OAT: variants seen among roughly 807,000 people sequenced by gnomAD.
OAT encodes ornithine aminotransferase.
In OAT, 35 loss-of-function variants were observed where a neutral mutation model predicts 48.4. That is an observed-to-expected ratio of 0.72 (90% CI 0.55 to 0.96). The LOEUF is 0.96. Ranked by LOEUF, OAT falls within the 40% of genes least tolerant of loss-of-function variation. OAT has a pLI of 0.00. For synonymous variants in OAT, 182 were observed against 198.4 expected, an observed-to-expected ratio of 0.92 and a Z score of 0.70; for missense variants, 438 against 537.9, an observed-to-expected ratio of 0.81 and a Z score of 1.84.
At position 124,400,537 on chromosome 10, in the gene OAT, G is replaced by A. The variant is rs940895755; in HGVS notation, c.1159+303C>T. 3.0e-4 allele frequency among the ~76,000 whole-genome samples: 46 copies of A among 151,250 alleles called. 1 individual carries two copies. Among genetic ancestry groups the A allele is most frequent in the Non-Finnish European group, 2.9e-5 (2 of 67,978 alleles). ...TGGGAGGCCAACGCAGGTGGATCAC[G>A]AGGTCAGGAGTTTGAGATCAGCCTG... is the stretch of plus-strand genomic sequence containing the variant. On this transcript the variant is annotated intron_variant, in intron 9 of 9. Coordinates refer to ENST00000368845, the MANE Select transcript of OAT (RefSeq NM_000274.4).
At chr10:124,400,742 T>G in intron 9 of OAT, 98 bp downstream of exon 9, 1 of 1,004,334 alleles carries the variant, frequency 1.0e-6, no homozygotes, top group Non-Finnish European at 1.5e-6. Flanking sequence ...AGAGCAAGAC[T>G]CCGTCTCGAA....
At chr10:124,416,012 C>T (rs992765791) in intron 1 of OAT, among the ~76,000 whole-genome samples, 5 of 152,138 alleles carry the variant, frequency 3.3e-5, no homozygotes, top group African/African-American at 1.2e-4. Flanking sequence ...CAATTTTACA[C>T]TTGCATGATA....
chr10:124,406,813 A>AC (rs1220096524), intron 4 of OAT: 2 of 318,550 alleles, frequency 6.3e-6, no homozygotes, highest in Non-Finnish European at 9.1e-6. Flanking sequence ...AAAAAAAAAA[A>AC]AAAAAAAAGT....
At chr10:124,406,206 A>G (rs1951571445) in intron 4 of OAT, 1 of 820,638 alleles carries the variant, frequency 1.2e-6, no homozygotes, top group South Asian at 5.6e-5. Flanking sequence ...ATGTTGGGGA[A>G]TAGACCAGGC....
At chr10:124,411,257 G>A (rs909471927) in intron 2 of OAT, among the ~76,000 whole-genome samples, 1 of 151,116 alleles carries the variant, frequency 6.6e-6, no homozygotes, top group Non-Finnish European at 1.5e-5. Flanking sequence ...AGAAGGGAGT[G>A]AACACACTAA....
chr10:124,417,746 C>T (rs548427819), intron 1 of OAT, among the ~76,000 whole-genome samples: 3 of 152,334 alleles, frequency 2.0e-5, no homozygotes, highest in Admixed American at 1.3e-4. Context: ...AAAGAACTAG[C>T]TTATCCACAG....
intron 9 of OAT, among the ~76,000 whole-genome samples, chr10:124,400,366 T>C (rs745658414): frequency 2.0e-5 from 3 of 148,804 alleles, no homozygotes; most frequent in Non-Finnish European, 3.0e-5. Flanking sequence ...GAGAATCGCT[T>C]GAACCGGGGC....
At chr10:124,399,586 C>T (rs1430584274) in intron 9 of OAT, among the ~76,000 whole-genome samples, 1 of 151,940 alleles carries the variant, frequency 6.6e-6, no homozygotes, top group Admixed American at 6.6e-5. Context: ...ACCTCGTGAT[C>T]CACCCGTCTC....
intron 2 of OAT, among the ~76,000 whole-genome samples, chr10:124,410,779 C>T (rs545178150): frequency 2.0e-5 from 3 of 152,062 alleles, no homozygotes; most frequent in Non-Finnish European, 4.4e-5. Flanking sequence ...GCCTGGGCAA[C>T]AGAATGAGAC....
At chr10:124,416,624 T>C (rs868277410) in intron 1 of OAT, among the ~76,000 whole-genome samples, 2 of 152,238 alleles carry the variant, frequency 1.3e-5, no homozygotes, top group Non-Finnish European at 2.9e-5. Flanking sequence ...CTACCATTAC[T>C]CCCTCCATCT....
In OAT at chr10:124,403,857, C is replaced by A. The variant is rs200325281; in HGVS notation, c.712G>T (p.Val238Phe). The part of the protein sequence containing the change: ...MVEPIQGEAG[V>F]VVPDPGYLMG... ...AGGTAACCTGGATCCGGAACAACAA[C>A]GCCTGCTTCACCCTGAATTGGTTCT... is the stretch of plus-strand genomic sequence containing the variant. The change falls in exon 6 of 10, where the codon GTT becomes TTT. Residue 238 changes from valine (V) to phenylalanine (F), a missense_variant. Coordinates refer to ENST00000368845, the MANE Select transcript of OAT (RefSeq NM_000274.4). 1 of 1,614,156 alleles carries A rather than the reference C, an allele frequency of 6.2e-7. No homozygotes were observed. Among genetic ancestry groups the A allele is most frequent in the Non-Finnish European group, 8.5e-7 (1 of 1,180,002 alleles).
intron 2 of OAT, 90 bp downstream of exon 2, chr10:124,411,883 A>AGAAAAAT: frequency 2.6e-6 from 3 of 1,136,620 alleles, no homozygotes; most frequent in Non-Finnish European, 4.0e-6. Context: ...AAACACATCT[A>AGAAAAAT]GAAAAATGTA....
intron 4 of OAT, among the ~76,000 whole-genome samples, chr10:124,407,856 T>C (rs1951627485): frequency 6.6e-6 from 1 of 152,162 alleles, no homozygotes; most frequent in Non-Finnish European, 1.5e-5. Flanking sequence ...ATTCCTTTCA[T>C]CCAGTCCCAG....
At chr10:124,411,815 CAAAA>C (rs60176788) in intron 2 of OAT, among the ~76,000 whole-genome samples, 154 bp downstream of exon 2, 33 of 107,522 alleles carry the variant, frequency 3.1e-4, no homozygotes, top group Admixed American at 2.9e-4. Flanking sequence ...GACTCCGTCT[CAAAA>C]AAAAAAAAAA....
At chr10:124,401,057 TA>T in intron 8 of OAT, 73 bp from the exon 9 acceptor site, 1 of 1,046,884 alleles carries the variant, frequency 9.6e-7, no homozygotes, top group East Asian at 2.6e-5. Flanking sequence ...ACGGGGACTG[TA>T]AACACAGGAA....
intron 4 of OAT, chr10:124,406,174 A>G (rs1158168665): frequency 1.1e-6 from 1 of 919,008 alleles, no homozygotes; most frequent in African/African-American, 1.8e-5. Flanking sequence ...CTGAGGATCT[A>G]CTATGTCAGG....
chr10:124,403,698 T>A, intron 6 of OAT, 100 bp downstream of exon 6: 1 of 1,494,986 alleles, frequency 6.7e-7, no homozygotes, highest in Non-Finnish European at 9.3e-7. Context: ...ATTTATCCAA[T>A]CAGCAGAATT....
intron 4 of OAT, chr10:124,405,869 C>G (rs1951561244): frequency 8.3e-7 from 1 of 1,201,680 alleles, no homozygotes; most frequent in South Asian, 1.6e-5. Flanking sequence ...AATCCCCAAC[C>G]CAAAACCAAG....
chr10:124,409,909 C>A (rs982825967), intron 2 of OAT, among the ~76,000 whole-genome samples: 14 of 152,084 alleles, frequency 9.2e-5, no homozygotes, highest in Admixed American at 1.3e-4. Flanking sequence ...ATTAAAAAAA[C>A]AACTTTTGAC....
Sources: gnomAD v4.1 joint callset for allele counts (sites outside exome capture counted in the v4.1 genomes callset) on GRCh38, gnomAD v4.1.1 for gene constraint, MANE v1.5 for transcripts, NCBI Gene and HGNC (gene_info 2026-07-23, HGNC 2026-07-21) for gene names.